Variants in STXBP3 observed in about 807,000 individuals in gnomAD.
STXBP3 encodes syntaxin-binding protein 3.
A neutral mutation model predicts 85.7 loss-of-function variants in STXBP3; 41 were observed. The observed-to-expected ratio is 0.48, with a 90% CI of 0.37 to 0.62. The LOEUF is 0.62. Among genes scored for constraint, STXBP3 ranks in the 20% least tolerant of loss-of-function variants. The pLI is 0.00. For missense variants in STXBP3, 563 were observed against 703.1 expected (o/e 0.80, Z 2.25); for synonymous variants, 229 against 231.7 (o/e 0.99, Z 0.10).
chr1:108,750,709 T>C (rs1487472120), intron 1 of STXBP3, among the ~76,000 whole-genome samples: 1 of 152,168 alleles, frequency 6.6e-6, no homozygotes, highest in Non-Finnish European at 1.5e-5. Context: ...GTTTAAGGGC[T>C]CAGTCTCACA....
chr1:108,755,454 TAAATA>T (rs889659479), intron 3 of STXBP3, among the ~76,000 whole-genome samples: 8 of 144,596 alleles, frequency 5.5e-5, no homozygotes, highest in African/African-American at 2.3e-4. Context: ...TTCAAAAAAA[TAAATA>T]AAAAGTAAAA....
chr1:108,792,517 T>G (rs994531114), intron 11 of STXBP3, among the ~76,000 whole-genome samples: 2 of 152,220 alleles, frequency 1.3e-5, no homozygotes, highest in African/African-American at 4.8e-5. Flanking sequence ...GTTGGGGACA[T>G]TTCCAATCTT....
intron 1 of STXBP3, among the ~76,000 whole-genome samples, chr1:108,750,819 C>T (rs1276905288): frequency 6.6e-6 from 1 of 152,214 alleles, no homozygotes; most frequent in East Asian, 1.9e-4. Flanking sequence ...CCTCCCTTCC[C>T]TTTCAGGTTC....
At position 108,782,738 on chromosome 1, in the gene STXBP3, G is replaced by A. The variant is rs1181150061; in HGVS notation, c.963+32G>A. ...GTCTTACTTAACTTTCAAAGTAATA[G>A]TGAAGGTGAATTTTAAAGTTTGTTT... On this transcript the variant is annotated intron_variant, in intron 11 of 18. Coordinates refer to ENST00000370008, the MANE Select transcript of STXBP3 (RefSeq NM_007269.4). 3.9e-6 allele frequency: 6 copies of A among 1,529,604 alleles called. No individual in the cohort carries two copies. In the African/African-American group the frequency reaches 8.4e-5, roughly 21 times the overall value. 94.8% of individuals were successfully genotyped at this position (1,529,604 alleles called of 1,614,324 possible).
rs573529744 is a variant in STXBP3 at position 108,770,060 on chromosome 1, C to T, written c.439-2605C>T. Among the ~76,000 whole-genome samples, 6 of 152,174 alleles carry T rather than the reference C, an allele frequency of 3.9e-5. No homozygotes were observed. The South Asian group carries it at 8.3e-4, about 21-fold the overall frequency. On this transcript the variant is annotated intron_variant, in intron 6 of 18. Coordinates refer to ENST00000370008, the MANE Select transcript of STXBP3 (RefSeq NM_007269.4). ...ATCCCAGGACTTTAGGAGGCCAAGG[C>T]GGAAGGATTGCTTGAGCCCAGGAGT...
At chr1:108,763,884 A>G (rs1662202348) in intron 6 of STXBP3, among the ~76,000 whole-genome samples, 1 of 151,886 alleles carries the variant, frequency 6.6e-6, no homozygotes, top group Admixed American at 6.6e-5. Flanking sequence ...GTCTGGCCCT[A>G]ACTTTTTTTG....
chr1:108,787,832 C>G (rs898926274), intron 11 of STXBP3, among the ~76,000 whole-genome samples: 1 of 151,898 alleles, frequency 6.6e-6, no homozygotes, highest in Non-Finnish European at 1.5e-5. Context: ...TTCTGTCACC[C>G]AGGCTGGAGT....
At chr1:108,760,442 A>G (rs1662115192) in intron 6 of STXBP3, among the ~76,000 whole-genome samples, 1 of 152,004 alleles carries the variant, frequency 6.6e-6, no homozygotes, top group Admixed American at 6.6e-5. Flanking sequence ...GCTCTTTAAT[A>G]AACTTTTTAT....
At position 108,753,042 on chromosome 1, in the gene STXBP3, T is replaced by A. The variant is rs76994481; in HGVS notation, c.100-21T>A. 1.3e-3 allele frequency: 1,916 copies of A among 1,524,956 alleles called. 20 individuals are homozygous for A. The African/African-American group carries it at 0.025, about 20-fold the overall frequency. The allele number at this position is 1,524,956 out of a possible 1,614,324, so 94.5% of individuals were successfully genotyped here. Reference sequence around the variant, plus strand: ...GGTAATAGGATGCTTACAGTATTTTTAAATTTGTGTTTGTTTTAAGATAAT... The same window carrying A: ...GGTAATAGGATGCTTACAGTATTTTAAAATTTGTGTTTGTTTTAAGATAAT... On this transcript the variant is annotated intron_variant, in intron 2 of 18. Transcript: ENST00000370008.
chr1:108,756,742 T>G lies in STXBP3; in HGVS notation c.234T>G (p.Leu78=). ...AACCTGTCAGACAAATGAAAGCTCT[T>G]TATTTCATCACTCCGACATCAAAGG... ...NREPVRQMKA[L]YFITPTSKSV... is the part of the protein sequence containing the mutation. Residue 78 remains leucine (L), a synonymous_variant, in exon 4 of 19, where the codon CTT becomes CTG. Transcript: ENST00000370008. 6.3e-7 allele frequency: 1 copy of G among 1,596,212 alleles called. No individual in the cohort carries two copies. Among genetic ancestry groups the G allele is most frequent in the Non-Finnish European group, 8.5e-7 (1 of 1,170,236 alleles).
rs1338542913 is a variant in STXBP3, at chr1:108,807,426, T to C, written c.1561T>C (p.Tyr521His). The change falls in exon 18 of 19, where the codon TAT becomes CAT. Residue 521 changes from tyrosine to histidine, a missense_variant. Around this residue, in one of 3 missense-constraint regions of STXBP3, gnomAD observed 494 missense variants for 592.8 expected, o/e 0.83. Transcript: ENST00000370008. Reference protein sequence around the residue: ...VSARQKPRANYLEDRKNGSKL... With the variant: ...VSARQKPRANHLEDRKNGSKL... ...TGCTCGCCAGAAACCCAGAGCTAAT[T>C]ATTTAGAAGACCGAAAAAATGGGTC... is the stretch of plus-strand genomic sequence containing the variant. 1.2e-6 allele frequency: 2 copies of C among 1,610,290 alleles called. No homozygotes were observed.
intron 11 of STXBP3, among the ~76,000 whole-genome samples, chr1:108,785,141 C>T (rs906287880): frequency 2.6e-5 from 4 of 152,208 alleles, no homozygotes; most frequent in African/African-American, 9.7e-5. Flanking sequence ...GTTCACTAGG[C>T]AGTGCCCCAG....
intron 15 of STXBP3, 118 bp downstream of exon 15, chr1:108,796,844 A>G (rs2101133470): frequency 1.7e-6 from 1 of 601,992 alleles, no homozygotes; most frequent in Non-Finnish European, 2.5e-6. Flanking sequence ...TAGATTTTGA[A>G]TAAGTAAGCA....
chr1:108,779,542 C>G (rs1487378878), intron 9 of STXBP3, 132 bp downstream of exon 9: 3 of 924,602 alleles, frequency 3.2e-6, no homozygotes, highest in East Asian at 5.5e-5. Context: ...TTATCCTTCT[C>G]TTATTCCTAC....
intron 12 of STXBP3, among the ~76,000 whole-genome samples, chr1:108,794,508 CACTT>C (rs1446641091): frequency 2.0e-5 from 3 of 152,176 alleles, no homozygotes; most frequent in African/African-American, 4.8e-5. Flanking sequence ...CATGAGAACT[CACTT>C]ACTATTATGA....
chr1:108,807,430 T>A lies in STXBP3; in HGVS notation c.1565T>A (p.Leu522Ter). ...CGCCAGAAACCCAGAGCTAATTATT[T>A]AGAAGACCGAAAAAATGGGTCAAAG... is the stretch of plus-strand genomic sequence containing the variant. ...SARQKPRANYLEDRKNGSKLI... is the reference protein window; with the variant it reads ...SARQKPRANY Residue 522 changes from leucine to a stop codon, truncating the protein, a stop_gained, in exon 18 of 19, where the codon TTA (leucine) becomes TAA (stop). Coordinates refer to ENST00000370008, the MANE Select transcript of STXBP3 (RefSeq NM_007269.4). LOFTEE classifies it high-confidence loss of function. 6.2e-7 allele frequency: 1 copy of A among 1,611,948 alleles called. No individual in the cohort carries two copies. Among genetic ancestry groups the A allele is most frequent in the Non-Finnish European group, 8.5e-7 (1 of 1,179,470 alleles).
chr1:108,791,474 C>T (rs975109154), intron 11 of STXBP3, among the ~76,000 whole-genome samples: 1 of 151,940 alleles, frequency 6.6e-6, no homozygotes, highest in African/African-American at 2.4e-5. Context: ...TCTGGGACCC[C>T]AGTCAACATG....
At chr1:108,793,832 A>G (rs993364728) in intron 12 of STXBP3, among the ~76,000 whole-genome samples, 185 bp downstream of exon 12, 7 of 152,218 alleles carry the variant, frequency 4.6e-5, no homozygotes, top group African/African-American at 1.4e-4. Context: ...CTCTATATGT[A>G]TAACCTAGAT....
chr1:108,776,593 A>T (rs1662598704), intron 8 of STXBP3, among the ~76,000 whole-genome samples, 170 bp downstream of exon 8: 1 of 152,138 alleles, frequency 6.6e-6, no homozygotes, highest in South Asian at 2.1e-4. Context: ...ACCTTAATAG[A>T]TGGTATGGTT....
Sources: allele counts gnomAD v4.1 joint callset (sites outside exome capture counted in the v4.1 genomes callset), GRCh38; gene constraint gnomAD v4.1.1; regional missense constraint gnomAD v4.1.1; transcripts MANE v1.5; gene names NCBI Gene and HGNC (gene_info 2026-07-23, HGNC 2026-07-21).